Variants in KCNJ15 observed in about 807,000 individuals in gnomAD.
KCNJ15 encodes potassium inwardly rectifying channel subfamily J member 15, also known as ATP-sensitive inward rectifier potassium channel 15.
KCNJ15 carries 14 observed loss-of-function variants against 23.0 expected under a neutral mutation model. The ratio of observed to expected loss-of-function variants is 0.61; its 90% CI spans 0.40 to 0.95. The LOEUF (loss-of-function observed/expected upper bound fraction) is 0.95, where lower values mean the gene tolerates loss of function less well. Among genes scored for constraint, KCNJ15 ranks in the 40% least tolerant of loss-of-function variants. The pLI, the probability that KCNJ15 is intolerant of heterozygous loss-of-function variation, is 0.00. For missense variants in KCNJ15, 388 were observed against 461.8 expected (o/e 0.84, Z 1.46); for synonymous variants, 185 against 183.2 (o/e 1.01, Z -0.08).
At chr21:38,256,276 T>C (rs2836246), upstream of KCNJ15, among the ~76,000 whole-genome samples, 15,739 of 150,978 alleles carry the variant, frequency 0.1, 2,277 homozygotes, top group African/African-American at 0.32. Flanking sequence ...TATGCAAGAA[T>C]GCTGGAACTC....
chr21:38,251,093 C>T lies in KCNJ15; in HGVS notation c.-398-5953C>T, dbSNP rs182236452. Reference sequence around the variant, plus strand: ...GCATGCCACACATTGATGAATGATCCGGCGAGGCTTTCAAAGCAAGGCGGG... The same window carrying T: ...GCATGCCACACATTGATGAATGATCTGGCGAGGCTTTCAAAGCAAGGCGGG... On this transcript the variant is annotated intron_variant, in intron 1 of 4. Transcript: ENST00000547341. Among the ~76,000 whole-genome samples the T allele has an allele frequency of 1.8e-4, 28 of 152,248 alleles. 1 individual carries two copies. The highest frequency in any genetic ancestry group is 6.5e-4 in the African/African-American group (27 of 41,530).
intron 1 of KCNJ15, among the ~76,000 whole-genome samples, chr21:38,245,079 A>G (rs1422815015): frequency 2.0e-5 from 3 of 152,008 alleles, no homozygotes; most frequent in African/African-American, 7.2e-5. Context: ...TGACCACAGA[A>G]GGTTTCTACA....
intron 1 of KCNJ15, among the ~76,000 whole-genome samples, chr21:38,264,337 G>A (rs756075875): frequency 2.6e-5 from 4 of 152,190 alleles, no homozygotes; most frequent in Non-Finnish European, 2.9e-5. Flanking sequence ...CTAATCTCTG[G>A]TCCATCAGGC....
chr21:38,249,969 G>A (rs542962852), intron 1 of KCNJ15, among the ~76,000 whole-genome samples: 5 of 152,288 alleles, frequency 3.3e-5, no homozygotes, highest in African/African-American at 1.2e-4. Flanking sequence ...GGGCTGATAA[G>A]GAATAGTCAA....
At chr21:38,298,908 C>A (rs746911511) in intron 2 of KCNJ15, among the ~76,000 whole-genome samples, 1 of 152,162 alleles carries the variant, frequency 6.6e-6, no homozygotes, top group Non-Finnish European at 1.5e-5. Context: ...TAACACTTTA[C>A]CTTGTTTAAT....
At chr21:38,275,210 C>CCTA (rs746405719) in intron 1 of KCNJ15, among the ~76,000 whole-genome samples, 21 of 152,174 alleles carry the variant, frequency 1.4e-4, no homozygotes, top group South Asian at 4.1e-4. Flanking sequence ...TCAACAGCCT[C>CCTA]CTAAATGATC....
At chr21:38,294,455 G>A (rs910946595) in intron 1 of KCNJ15, among the ~76,000 whole-genome samples, 1 of 152,136 alleles carries the variant, frequency 6.6e-6, no homozygotes, top group Non-Finnish European at 1.5e-5. Context: ...CGGTTCTGGG[G>A]AGCCACTGTC....
chr21:38,239,318 C>T (rs527329534), intron 1 of KCNJ15, among the ~76,000 whole-genome samples: 73 of 152,296 alleles, frequency 4.8e-4, no homozygotes, highest in African/African-American at 1.0e-3. Flanking sequence ...CACAAAGCCA[C>T]GAAGCCATAA....
chr21:38,233,488 T>C (rs1461611184), intron 1 of KCNJ15, among the ~76,000 whole-genome samples: 1 of 152,148 alleles, frequency 6.6e-6, no homozygotes, highest in Non-Finnish European at 1.5e-5. Context: ...ATGTCTCATA[T>C]CACATTTTGT....
intron 1 of KCNJ15, among the ~76,000 whole-genome samples, chr21:38,232,684 C>T (rs567312994): frequency 8.6e-5 from 13 of 151,906 alleles, no homozygotes; most frequent in East Asian, 7.7e-4. Flanking sequence ...CTGAATTTCC[C>T]ATATGACTTC....
intron 1 of KCNJ15, among the ~76,000 whole-genome samples, chr21:38,261,135 TG>T (rs778469533): frequency 4.6e-5 from 7 of 152,172 alleles, no homozygotes; most frequent in Non-Finnish European, 8.8e-5. Context: ...TGCCTGGGTT[TG>T]GGTTTCATTC....
chr21:38,240,483 G>A (rs1488187217), intron 1 of KCNJ15, among the ~76,000 whole-genome samples: 3 of 152,184 alleles, frequency 2.0e-5, no homozygotes, highest in Non-Finnish European at 1.5e-5. Context: ...GGCTTTAGGA[G>A]TAATTTTACA....
At chr21:38,248,431 A>T (rs1979601283) in intron 1 of KCNJ15, among the ~76,000 whole-genome samples, 1 of 152,228 alleles carries the variant, frequency 6.6e-6, no homozygotes, top group Non-Finnish European at 1.5e-5. Context: ...GAACAAGCTA[A>T]TTAAATTATA....
intron 1 of KCNJ15, among the ~76,000 whole-genome samples, chr21:38,251,603 A>C (rs1470165328): frequency 6.6e-6 from 1 of 152,236 alleles, no homozygotes. Context: ...GCAAATGTGC[A>C]CTCAGTGCTA....
chr21:38,251,748 T>A (rs1979853418), upstream of KCNJ15, among the ~76,000 whole-genome samples: 1 of 151,984 alleles, frequency 6.6e-6, no homozygotes, highest in Admixed American at 6.6e-5. Flanking sequence ...TGCCAGCGAG[T>A]AGGGGATTTC....
At chr21:38,266,196 G>A (rs890817223) in intron 1 of KCNJ15, among the ~76,000 whole-genome samples, 4 of 152,132 alleles carry the variant, frequency 2.6e-5, no homozygotes, top group Admixed American at 6.5e-5. Context: ...GTGGAGGTTT[G>A]TCACATAGGT....
intron 1 of KCNJ15, chr21:38,238,612 A>G: frequency 8.3e-6 from 5 of 603,908 alleles, no homozygotes; most frequent in South Asian, 7.5e-5. Flanking sequence ...GTGACTCGTG[A>G]AGCTGTGCAA....
chr21:38,288,713 T>G (rs1984249423), intron 1 of KCNJ15, among the ~76,000 whole-genome samples: 4 of 152,204 alleles, frequency 2.6e-5, no homozygotes, highest in Admixed American at 6.5e-5. Flanking sequence ...AGAGATAGAT[T>G]TACTTAAGGG....
chr21:38,271,708 C>T (rs1982114968), intron 1 of KCNJ15, among the ~76,000 whole-genome samples: 1 of 152,168 alleles, frequency 6.6e-6, no homozygotes, highest in Non-Finnish European at 1.5e-5. Context: ...GCCACACGAT[C>T]CCCCAAGCCT....
Sources: allele counts gnomAD v4.1 joint callset (sites outside exome capture counted in the v4.1 genomes callset), GRCh38; gene constraint gnomAD v4.1.1; transcripts MANE v1.5; gene names NCBI Gene and HGNC (gene_info 2026-07-23, HGNC 2026-07-21).